Variants in ZPBP observed in about 807,000 individuals in gnomAD.
ZPBP encodes the protein zona pellucida-binding protein 1.
A neutral mutation model predicts 44.8 loss-of-function variants in ZPBP; 26 were observed. That is an observed-to-expected ratio of 0.58 (90% CI 0.43 to 0.81). The LOEUF is 0.81. ZPBP is among the 30% of genes least tolerant of loss of function. The pLI is 0.00. For missense variants in ZPBP, 409 were observed against 434.0 expected (o/e 0.94, Z 0.51); for synonymous variants, 174 against 153.2 (o/e 1.14, Z -1.00).
chr7:49,888,531 C>T (rs1222131726), intron 2 of ZPBP, among the ~76,000 whole-genome samples: 1 of 152,178 alleles, frequency 6.6e-6, no homozygotes, highest in Non-Finnish European at 1.5e-5. Context: ...GAAGGACTGG[C>T]TTCAGTATCT....
At chr7:49,969,256 G>A (rs993853113) in intron 7 of ZPBP, among the ~76,000 whole-genome samples, 1 of 149,566 alleles carries the variant, frequency 6.7e-6, no homozygotes, top group African/African-American at 2.4e-5. Context: ...AAATGTTCTT[G>A]TAGTTGCCCA....
At chr7:49,981,593 A>ATTAT (rs1796949652) in intron 7 of ZPBP, among the ~76,000 whole-genome samples, 2 of 23,046 alleles carry the variant, frequency 8.7e-5, no homozygotes, top group Non-Finnish European at 1.5e-4. Context: ...TATATTATAT[A>ATTAT]ATTATATAAA....
chr7:50,049,269 A>T (rs1161351697), intron 4 of ZPBP, among the ~76,000 whole-genome samples: 1 of 152,004 alleles, frequency 6.6e-6, no homozygotes, highest in Non-Finnish European at 1.5e-5. Context: ...TTCTTCACAA[A>T]CACTTTCAAA....
chr7:49,871,005 T>TA (rs1242728651), intron 2 of ZPBP, among the ~76,000 whole-genome samples: 2 of 151,992 alleles, frequency 1.3e-5, no homozygotes, highest in South Asian at 2.1e-4. Flanking sequence ...TAAAACATGC[T>TA]AAAAAATGCA....
At chr7:49,851,129 A>G (rs1790162792) in intron 2 of ZPBP, among the ~76,000 whole-genome samples, 1 of 151,858 alleles carries the variant, frequency 6.6e-6, no homozygotes, top group South Asian at 2.1e-4. Context: ...GCTGCCCGCC[A>G]CCCTGGGCTT....
chr7:50,049,253 C>A (rs534324332), intron 4 of ZPBP, among the ~76,000 whole-genome samples: 3 of 151,974 alleles, frequency 2.0e-5, no homozygotes, highest in Non-Finnish European at 4.4e-5. Context: ...GATATATTAG[C>A]AACAATTCTT....
intron 3 of ZPBP, among the ~76,000 whole-genome samples, chr7:50,078,585 T>C (rs1802214659): frequency 6.6e-6 from 1 of 150,948 alleles, no homozygotes; most frequent in Non-Finnish European, 1.5e-5. Context: ...AAGACTTAAG[T>C]GTAAGACCTA....
chr7:50,089,642 T>A lies in ZPBP; in HGVS notation c.195A>T (p.Ser65=). The A allele has an allele frequency of 1.2e-6, 2 of 1,609,610 alleles. No individual in the cohort carries two copies. The highest frequency in any genetic ancestry group is 1.7e-6 in the Non-Finnish European group (2 of 1,177,568). Residue 65 remains serine (S), a synonymous_variant, in exon 2 of 8, where the codon TCA becomes TCT. Coordinates refer to ENST00000046087, the MANE Select transcript of ZPBP (RefSeq NM_007009.3). ...ATTTATGAATACCTGGAAAACTTGT[T>A]GATCCCACTATTTTCACTGAATCTT... The part of the protein sequence containing the change: ...LTKDSVKIVG[S]TSFPVKAYVM...
intron 6 of ZPBP, among the ~76,000 whole-genome samples, chr7:50,003,711 T>G (rs1041591394): frequency 1.3e-5 from 2 of 152,108 alleles, no homozygotes; most frequent in African/African-American, 2.4e-5. Flanking sequence ...AATGGAGTAA[T>G]TGGGGAAGTA....
chr7:49,982,150 AT>A lies in ZPBP; in HGVS notation c.961+1191del, dbSNP rs1380379200. On this transcript the variant is annotated intron_variant, in intron 7 of 7. Coordinates refer to ENST00000046087, the MANE Select transcript of ZPBP (RefSeq NM_007009.3). ...TAATATAAATATTTATATAAAATAT[AT>A]AATATATAATATATATTATATATAT... Among the ~76,000 whole-genome samples the A allele has an allele frequency of 3.5e-5, 3 of 84,998 alleles. 1 individual carries two copies. The highest frequency in any genetic ancestry group is 4.9e-5 in the African/African-American group (1 of 20,318). The allele number at this position is 84,998 out of a possible 152,430, so 55.8% of individuals were successfully genotyped here. A position where few individuals can be genotyped will look rare whatever the true frequency, so the allele number is the denominator to read the frequency against.
chr7:49,899,920 G>T (rs989233335), intron 2 of ZPBP, among the ~76,000 whole-genome samples: 5 of 151,632 alleles, frequency 3.3e-5, no homozygotes, highest in African/African-American at 9.7e-5. Context: ...CCACATTCTG[G>T]GTCATAAAAT....
Position 49,877,481 on chromosome 7 carries a change from A to AAAAATATACATATATATATATAT in ZPBP, n.509+23636_509+23637insATATATATATATATGTATATTTT. Among the ~76,000 whole-genome samples the AAAAATATACATATATATATATAT allele has an allele frequency of 3.5e-3, 44 of 12,728 alleles. 11 individuals are homozygous for AAAAATATACATATATATATATAT. Among genetic ancestry groups the AAAAATATACATATATATATATAT allele is most frequent in the East Asian group, 0.017 (3 of 180 alleles). 8.4% of individuals were successfully genotyped at this position (12,728 alleles called of 152,430 possible). A position where few individuals can be genotyped will look rare whatever the true frequency, so the allele number is the denominator to read the frequency against. ...CTGTCTCAAAAAAAAAAAAAAAAAA[A>AAAAATATACATATATATATATAT]ATATATATATATATATATATATATA... On this transcript the variant is annotated intron_variant and non_coding_transcript_variant, in intron 2 of 2. Transcript: ENST00000465922.
chr7:49,901,944 G>GT (rs963114900), intron 1 of ZPBP, among the ~76,000 whole-genome samples: 82 of 142,280 alleles, frequency 5.8e-4, no homozygotes, highest in African/African-American at 2.1e-3. Flanking sequence ...AACAATGATA[G>GT]TTTTTTCAAC....
At chr7:49,859,228 T>C (rs1790550096) in intron 2 of ZPBP, among the ~76,000 whole-genome samples, 1 of 152,246 alleles carries the variant, frequency 6.6e-6, no homozygotes, top group African/African-American at 2.4e-5. Flanking sequence ...ATTGCAGATA[T>C]CTTGAGTTAC....
downstream of ZPBP, among the ~76,000 whole-genome samples, chr7:49,848,477 C>T (rs891044345): frequency 2.6e-5 from 4 of 152,224 alleles, no homozygotes; most frequent in South Asian, 2.1e-4. Context: ...TGCCCAGGGT[C>T]GGCTGTGGGC....
At chr7:50,040,167 C>T (rs1800003249) in intron 4 of ZPBP, among the ~76,000 whole-genome samples, 1 of 151,906 alleles carries the variant, frequency 6.6e-6, no homozygotes, top group Non-Finnish European at 1.5e-5. Flanking sequence ...ATTAAACAAG[C>T]CAATCAAAAA....
intron 3 of ZPBP, among the ~76,000 whole-genome samples, chr7:50,065,291 C>T (rs1385018097): frequency 1.4e-5 from 2 of 147,506 alleles, no homozygotes; most frequent in African/African-American, 5.1e-5. Context: ...CCATGTTCAA[C>T]AGATCTAATA....
At chr7:49,980,306 AATAT>A (rs1796781895) in intron 7 of ZPBP, among the ~76,000 whole-genome samples, 1 of 85,230 alleles carries the variant, frequency 1.2e-5, no homozygotes, top group South Asian at 3.3e-4. Context: ...TAATATATAT[AATAT>A]AAATATATAA....
intron 3 of ZPBP, among the ~76,000 whole-genome samples, chr7:50,066,973 G>A (rs1247111464): frequency 6.6e-6 from 1 of 152,174 alleles, no homozygotes; most frequent in African/African-American, 2.4e-5. Flanking sequence ...TCCAAGGTGT[G>A]ACACCTGCAA....
Sources: gnomAD v4.1 joint callset for allele counts (sites outside exome capture counted in the v4.1 genomes callset) on GRCh38, gnomAD v4.1.1 for gene constraint, MANE v1.5 for transcripts, NCBI Gene and HGNC (gene_info 2026-07-23, HGNC 2026-07-21) for gene names.